CAMK2G: variants seen among roughly 807,000 people sequenced by gnomAD.
CAMK2G encodes the protein calcium/calmodulin-dependent protein kinase type II subunit gamma.
In CAMK2G, 23 loss-of-function variants were observed where a neutral mutation model predicts 88.7. The ratio of observed to expected loss-of-function variants is 0.26; its 90% CI spans 0.19 to 0.37. The LOEUF is 0.37. Among genes scored for constraint, CAMK2G ranks in the 10% least tolerant of loss-of-function variants. CAMK2G has a pLI of 1.00. For missense variants in CAMK2G, 476 were observed against 780.8 expected, an observed-to-expected ratio of 0.61 and a Z score of 4.65; for synonymous variants, 263 against 294.8, an observed-to-expected ratio of 0.89 and a Z score of 1.11.
At position 73,848,111 on chromosome 10, in the gene CAMK2G, G is replaced by A. The variant is rs747751524; in HGVS notation, c.602-29C>T. 7.3e-7 allele frequency: 1 copy of A among 1,364,274 alleles called. No homozygotes were observed. The highest frequency in any genetic ancestry group is 1.4e-5 in the African/African-American group (1 of 70,028). The allele number at this position is 1,364,274 out of a possible 1,614,324, so 84.5% of individuals were successfully genotyped here. ...CGAGACAGAACACACAGGTCATGGGGGTCAGTCGCCTACTTCCCTGAGGAA... is the reference window on the plus strand; with the variant it reads ...CGAGACAGAACACACAGGTCATGGGAGTCAGTCGCCTACTTCCCTGAGGAA... On this transcript the variant is annotated intron_variant, in intron 8 of 22. Coordinates refer to ENST00000423381, the MANE Select transcript of CAMK2G (RefSeq NM_001367534.1). The surrounding 1 kb of genome is among the most constrained non-coding windows in gnomAD (Gnocchi z 4.5).
rs138831885 is a variant in CAMK2G at position 73,848,593 on chromosome 10, T to C, written c.534A>G (p.Pro178=). ...QQAWFGFAGT[P]GYLSPEVLRK... ...TCAAGACCTCAGGGGACAAGTAACC[T>C]GGGGTGCCAGCAAAACCTGTAGCAA... Residue 178 remains proline (P), a synonymous_variant, in exon 8 of 23, where the codon CCA becomes CCG. Coordinates refer to ENST00000423381, the MANE Select transcript of CAMK2G (RefSeq NM_001367534.1). This position sits in a 1 kb window ranked among gnomAD's most constrained non-coding sequence, Gnocchi z 4.5. 2.5e-6 allele frequency: 4 copies of C among 1,610,640 alleles called. No individual in the cohort carries two copies. The highest frequency in any genetic ancestry group is 2.5e-6 in the Non-Finnish European group (3 of 1,177,952).
rs2087022851 is a variant in CAMK2G at position 73,819,543 on chromosome 10, CAG to C, written c.1350_1351del (p.Cys451LeufsTer11). 3.2e-6 allele frequency: 5 copies of C among 1,548,864 alleles called. No homozygotes were observed. Among genetic ancestry groups the C allele is most frequent in the Non-Finnish European group, 4.4e-6 (5 of 1,145,974 alleles). ...TCCCTCACACTTACTGGCTGAGGAG[CAG>C]AGAGAAGGCTGGGGCTGCATGCCTG... On this transcript the variant is annotated frameshift_variant, in exon 19 of 23. Coordinates refer to ENST00000423381, the MANE Select transcript of CAMK2G (RefSeq NM_001367534.1). LOFTEE classifies it high-confidence loss of function.
In CAMK2G at chr10:73,839,041, G is replaced by C. The variant is rs1033509279; in HGVS notation, c.1009+498C>G. On this transcript the variant is annotated intron_variant, in intron 13 of 22. Coordinates refer to ENST00000423381, the MANE Select transcript of CAMK2G (RefSeq NM_001367534.1). The surrounding 1 kb of genome is among the most constrained non-coding windows in gnomAD (Gnocchi z 4.2). ...GTGTGACTCGCTCAGGGTGTGGCAG[G>C]GCTAGGATGTGAACCCAGAAACAGC... is the stretch of plus-strand genomic sequence containing the variant. Among the ~76,000 whole-genome samples the C allele has an allele frequency of 1.3e-5, 2 of 152,196 alleles. No individual in the cohort carries two copies. The highest frequency in any genetic ancestry group is 1.3e-4 in the Admixed American group (2 of 15,284).
chr10:73,831,439 G>C (rs542624341), intron 14 of CAMK2G, among the ~76,000 whole-genome samples: 1 of 150,600 alleles, frequency 6.6e-6, no homozygotes, highest in Non-Finnish European at 1.5e-5. Flanking sequence ...TTGGGAGGCT[G>C]AGGTTGGAGA....
chr10:73,836,330 CT>C (rs2093217272), intron 14 of CAMK2G, among the ~76,000 whole-genome samples: 1 of 152,178 alleles, frequency 6.6e-6, no homozygotes, highest in African/African-American at 2.4e-5. Flanking sequence ...GCCACACCCC[CT>C]CTTACACCTC....
chr10:73,840,111 G>C (rs1242550744), intron 12 of CAMK2G, among the ~76,000 whole-genome samples: 1 of 152,152 alleles, frequency 6.6e-6, no homozygotes, highest in East Asian at 1.9e-4. Flanking sequence ...TGGCCCTTGT[G>C]CAGCTAAGTT....
rs373294169 is a variant in CAMK2G, at chr10:73,827,388, G to A, written c.1086+701C>T. 3.3e-5 allele frequency among the ~76,000 whole-genome samples: 5 copies of A among 152,184 alleles called. No individual in the cohort carries two copies. The East Asian group carries it at 7.7e-4, about 24-fold the overall frequency. ...TTTTTAGTAGAGACAGGGTTTCACC[G>A]TGTTATGGTCTTGATCTCCTGACCT... On this transcript the variant is annotated intron_variant, in intron 15 of 22. Transcript: ENST00000423381.
Position 73,849,086 on chromosome 10 carries a change from G to A in CAMK2G, c.444C>T (p.Cys148=). 6.2e-7 allele frequency: 1 copy of A among 1,614,030 alleles called. No individual in the cohort carries two copies. Among genetic ancestry groups the A allele is most frequent in the African/African-American group, 1.3e-5 (1 of 75,048 alleles). Residue 148 remains cysteine, a synonymous_variant, in exon 7 of 23, where the codon TGC becomes TGT. Transcript: ENST00000423381. ...CAGCCAGCTTGACGGCGGCACCCTT[G>A]CATTTACTCGCCAGCAGCAGGTTCT... ...KPENLLLASK[C]KGAAVKLADF... is the part of the protein sequence containing the mutation.
intron 9 of CAMK2G, 123 bp from the exon 10 acceptor site, chr10:73,847,470 G>A (rs2094328081): frequency 1.9e-6 from 2 of 1,060,954 alleles, no homozygotes; most frequent in East Asian, 2.5e-5. Context: ...GCTGTGACTG[G>A]CAGAGTTGGA....
chr10:73,831,313 G>GT (rs1246355521), intron 14 of CAMK2G, among the ~76,000 whole-genome samples: 2 of 152,180 alleles, frequency 1.3e-5, no homozygotes, highest in Non-Finnish European at 2.9e-5. Flanking sequence ...GCTGAGGCGG[G>GT]TGGATCACAA....
At chr10:73,824,120 G>C (rs1284496658) in intron 16 of CAMK2G, 36 bp from the exon 17 acceptor site, 1 of 1,567,900 alleles carries the variant, frequency 6.4e-7, no homozygotes, top group African/African-American at 1.4e-5. Context: ...TTCCGACTTG[G>C]GGACAGACTA....
chr10:73,841,191 G>A (rs1260647848), intron 12 of CAMK2G, among the ~76,000 whole-genome samples: 1 of 152,216 alleles, frequency 6.6e-6, no homozygotes, highest in African/African-American at 2.4e-5. Context: ...CAGCGCAGGC[G>A]AGCCCAGCAG....
At chr10:73,868,594 T>G (rs952689186) in intron 2 of CAMK2G, among the ~76,000 whole-genome samples, 2 of 152,238 alleles carry the variant, frequency 1.3e-5, no homozygotes, top group Non-Finnish European at 1.5e-5. Context: ...AAGCATGGTT[T>G]CGCACACAGC....
In CAMK2G at chr10:73,842,290, G is replaced by A. The variant is rs1477223399; in HGVS notation, c.904-79C>T. 7.7e-7 allele frequency: 1 copy of A among 1,306,430 alleles called. No individual in the cohort carries two copies. Among genetic ancestry groups the A allele is most frequent in the African/African-American group, 1.5e-5 (1 of 68,960 alleles). 80.9% of individuals were successfully genotyped at this position (1,306,430 alleles called of 1,614,324 possible). ...CTGGTCTCAGGCAAAGGCAGGTCCTGGCTAGAGCCTGAAGACATCAGGCCT... is the reference window on the plus strand; with the variant it reads ...CTGGTCTCAGGCAAAGGCAGGTCCTAGCTAGAGCCTGAAGACATCAGGCCT... On this transcript the variant is annotated intron_variant, in intron 11 of 22. Coordinates refer to ENST00000423381, the MANE Select transcript of CAMK2G (RefSeq NM_001367534.1). This position sits in a 1 kb window ranked among gnomAD's most constrained non-coding sequence, Gnocchi z 4.6.
intron 3 of CAMK2G, among the ~76,000 whole-genome samples, chr10:73,859,211 G>C (rs1398541380): frequency 6.6e-6 from 1 of 152,202 alleles, no homozygotes; most frequent in East Asian, 1.9e-4. Flanking sequence ...AGGCCTACAG[G>C]GGCCCAGGTG....
intron 12 of CAMK2G, among the ~76,000 whole-genome samples, chr10:73,840,567 T>C (rs531522174): frequency 6.6e-6 from 1 of 152,306 alleles, no homozygotes; most frequent in South Asian, 2.1e-4. Flanking sequence ...AAGGCCAGTC[T>C]AGGTCTGGCC....
intron 10 of CAMK2G, 61 bp downstream of exon 10, chr10:73,847,164 G>C: frequency 6.4e-7 from 1 of 1,573,724 alleles, no homozygotes. Flanking sequence ...AGGGGGTGGT[G>C]CCGAGGGCAC....
intron 14 of CAMK2G, among the ~76,000 whole-genome samples, chr10:73,831,657 C>T (rs957428320): frequency 6.6e-6 from 1 of 151,220 alleles, no homozygotes; most frequent in Non-Finnish European, 1.5e-5. Flanking sequence ...ATCACCTGAG[C>T]TCAGGAGTTC....
chr10:73,874,458 C>T lies in CAMK2G; in HGVS notation c.4G>A (p.Ala2Thr), dbSNP rs749234325. The T allele has an allele frequency of 1.3e-6, 2 of 1,505,632 alleles. No homozygotes were observed. The highest frequency in any genetic ancestry group is 1.2e-5 in the South Asian group (1 of 80,590). 93.3% of individuals were successfully genotyped at this position (1,505,632 alleles called of 1,614,324 possible). The change falls in exon 1 of 23, where the codon GCC becomes ACC. Residue 2 changes from alanine to threonine, a missense_variant. This residue lies in a region of CAMK2G where 34 missense variants were observed against 28.7 expected (regional missense o/e 1.19). Coordinates refer to ENST00000423381, the MANE Select transcript of CAMK2G (RefSeq NM_001367534.1). MATTATCTRFTD... is the reference protein window; with the variant it reads MTTTATCTRFTD... ...AAACGGGTGCAGGTGGCGGTGGTGG[C>T]CATGCTGGCGGGCGGGCGGACGCGG...
Sources: gnomAD v4.1 joint callset for allele counts (sites outside exome capture counted in the v4.1 genomes callset) on GRCh38, gnomAD v4.1.1 for gene constraint, gnomAD v4.1.1 regional missense constraint, Gnocchi (gnomAD v3.1) non-coding constraint, MANE v1.5 for transcripts, NCBI Gene and HGNC (gene_info 2026-07-23, HGNC 2026-07-21) for gene names.